The following PRR14L variants were observed in gnomAD, a reference collection of about 807,000 sequenced individuals.
PRR14L encodes the protein proline rich 14 like.
Under a neutral mutation model 155.0 loss-of-function variants are expected in PRR14L, and 80 were observed. The ratio of observed to expected loss-of-function variants is 0.52; its 90% CI spans 0.43 to 0.62. The LOEUF is 0.62. Ranked by LOEUF, PRR14L falls within the 20% of genes least tolerant of loss-of-function variation. The pLI is 0.00. For synonymous variants in PRR14L, 883 were observed against 916.0 expected (o/e 0.96, Z 0.65); for missense variants, 2,469 against 2,548.0 (o/e 0.97, Z 0.67).
intron 3 of PRR14L, among the ~76,000 whole-genome samples, chr22:31,723,573 C>A (rs971326354): frequency 6.6e-6 from 1 of 152,078 alleles, no homozygotes; most frequent in East Asian, 1.9e-4. Context: ...GGGTTAGGGG[C>A]CCACTAAACT....
chr22:31,714,853 C>A lies in PRR14L; in HGVS notation c.2986G>T (p.Asp996Tyr). 3 of 1,551,960 alleles carry A rather than the reference C, an allele frequency of 1.9e-6. No homozygotes were observed. Among genetic ancestry groups the A allele is most frequent in the South Asian group, 2.4e-5 (2 of 84,048 alleles). Residue 996 changes from aspartate (D) to tyrosine (Y), a missense_variant, in exon 4 of 9, where the codon GAC (aspartate) becomes TAC (tyrosine). Asp to Tyr is a radical substitution (Grantham distance 160). Around this residue, in one of 2 missense-constraint regions of PRR14L, gnomAD observed 2,363 missense variants for 2,371.6 expected, o/e 1.00. Coordinates refer to ENST00000327423, the MANE Select transcript of PRR14L (RefSeq NM_173566.3). ...GGCTCGGTGACAGTCTCTCTCTGGT[C>A]ACTACTTAGCATCTCCTTGGCTGAC... The part of the protein sequence containing the change: ...GQSAKEMLSS[D>Y]QRETVTEPHG...
chr22:31,711,326 C>T (rs2074620531), intron 4 of PRR14L, among the ~76,000 whole-genome samples: 1 of 151,932 alleles, frequency 6.6e-6, no homozygotes, highest in South Asian at 2.1e-4. Context: ...CAAAAATTAG[C>T]CAGGCATGGT....
At position 31,715,084 on chromosome 22, in the gene PRR14L, A is replaced by G. The variant is rs1481563249; in HGVS notation, c.2755T>C (p.Tyr919His). 6.4e-7 allele frequency: 1 copy of G among 1,551,674 alleles called. No homozygotes were observed. The highest frequency in any genetic ancestry group is 2.0e-5 in the Admixed American group (1 of 50,978). Residue 919 changes from tyrosine to histidine, a missense_variant, in exon 4 of 9, where the codon TAT becomes CAT. Tyr to His is a moderately conservative substitution (Grantham distance 83, BLOSUM62 2). Coordinates refer to ENST00000327423, the MANE Select transcript of PRR14L (RefSeq NM_173566.3). The part of the protein sequence containing the change: ...DVSKETVFCK[Y>H]NISDHAIQEL... Reference sequence around the variant, plus strand: ...TGTATAGCATGATCAGAGATGTTATACTTACAAAATACAGTTTCTTTGGAT... The same window carrying G: ...TGTATAGCATGATCAGAGATGTTATGCTTACAAAATACAGTTTCTTTGGAT...
At chr22:31,711,428 G>A (rs1327149425) in intron 4 of PRR14L, among the ~76,000 whole-genome samples, 19 of 151,636 alleles carry the variant, frequency 1.3e-4, no homozygotes, top group East Asian at 7.8e-4. Context: ...CCGAGATTGC[G>A]CCACTGCATT....
In PRR14L at chr22:31,713,931, C is replaced by A. The variant is rs2074638701; in HGVS notation, c.3908G>T (p.Cys1303Phe). 1 of 1,551,854 alleles carries A rather than the reference C, an allele frequency of 6.4e-7. No homozygotes were observed. The highest frequency in any genetic ancestry group is 8.7e-7 in the Non-Finnish European group (1 of 1,147,020). ...AGCTTTGCAAGCATTCTTTTCCACA[C>A]AGGTACATACGCTGTCTCTGTCACT... ...NSSDRDSVCT[C>F]VEKNACKACH... The change falls in exon 4 of 9, where the codon TGT becomes TTT. Residue 1303 changes from cysteine to phenylalanine, a missense_variant. By Grantham distance (205) the Cys-to-Phe change is radical. This residue lies in a region of PRR14L where 2,363 missense variants were observed against 2,371.6 expected (regional missense o/e 1.00). Coordinates refer to ENST00000327423, the MANE Select transcript of PRR14L (RefSeq NM_173566.3).
At position 31,738,815 on chromosome 22, in the gene PRR14L, A is replaced by T. The variant is rs1239646388; in HGVS notation, c.46T>A (p.Ser16Thr). 1.6e-5 allele frequency: 25 copies of T among 1,548,688 alleles called. No homozygotes were observed. Among genetic ancestry groups the T allele is most frequent in the Non-Finnish European group, 2.2e-5 (25 of 1,147,104 alleles). The change falls in exon 2 of 9, where the codon TCC becomes ACC. Residue 16 changes from serine to threonine, a missense_variant. Ser to Thr is a moderately conservative substitution (Grantham distance 58, BLOSUM62 1). Transcript: ENST00000327423. Reference sequence around the variant, plus strand: ...AATTCCTGTACCACGGCAGACATGGAGGAATCAAGTGGAACTGGCTGAGTC... The same window carrying T: ...AATTCCTGTACCACGGCAGACATGGTGGAATCAAGTGGAACTGGCTGAGTC... ...VETQPVPLDS[S>T]MSAVVQELYS...
intron 7 of PRR14L, among the ~76,000 whole-genome samples, 200 bp downstream of exon 7, chr22:31,701,456 G>A (rs1569497657): frequency 6.6e-6 from 1 of 152,124 alleles, no homozygotes; most frequent in Non-Finnish European, 1.5e-5. Context: ...CATTTGGAGG[G>A]TTTACTAAGA....
intron 7 of PRR14L, among the ~76,000 whole-genome samples, chr22:31,700,234 C>T (rs951561601): frequency 3.9e-5 from 6 of 152,138 alleles, no homozygotes. Context: ...AAAACTCTTT[C>T]CTCTCCCAAC....
rs1223260161 is a variant in PRR14L, at chr22:31,717,052, T to A, written c.787A>T (p.Thr263Ser). ...TCTTTTTCTTTAGGAGTTGCTTCTGTTAATACAGGGTCCACAAAGGTTAAA... is the reference window on the plus strand; with the variant it reads ...TCTTTTTCTTTAGGAGTTGCTTCTGATAATACAGGGTCCACAAAGGTTAAA... Reference protein sequence around the residue: ...EPLTFVDPVLTEATPKEKECE... With the variant: ...EPLTFVDPVLSEATPKEKECE... Residue 263 changes from threonine to serine, a missense_variant, in exon 4 of 9, where the codon ACA (threonine) becomes TCA (serine). Around this residue, in one of 2 missense-constraint regions of PRR14L, gnomAD observed 2,363 missense variants for 2,371.6 expected, o/e 1.00. Coordinates refer to ENST00000327423, the MANE Select transcript of PRR14L (RefSeq NM_173566.3). 1 of 1,551,928 alleles carries A rather than the reference T, an allele frequency of 6.4e-7. No homozygotes were observed. The highest frequency in any genetic ancestry group is 2.0e-5 in the Admixed American group (1 of 51,008).
rs149514473 is a variant in PRR14L at position 31,693,912 on chromosome 22, G to C, written c.6108-5685C>G. Among the ~76,000 whole-genome samples the C allele has an allele frequency of 5.1e-3, 777 of 152,246 alleles. 5 individuals carry two copies. Among genetic ancestry groups the C allele is most frequent in the Non-Finnish European group, 9.7e-3 (659 of 68,006 alleles). ...TCTGTACAGTTCTACTTTAAATGTAGTTGGTTATTTTTAAGTATATCTTGC... is the reference window on the plus strand; with the variant it reads ...TCTGTACAGTTCTACTTTAAATGTACTTGGTTATTTTTAAGTATATCTTGC... On this transcript the variant is annotated intron_variant, in intron 7 of 8. Transcript: ENST00000327423.
At chr22:31,735,506 G>A (rs922369426) in intron 2 of PRR14L, among the ~76,000 whole-genome samples, 1 of 151,622 alleles carries the variant, frequency 6.6e-6, no homozygotes, top group Non-Finnish European at 1.5e-5. Context: ...GTAAGCATGT[G>A]TATGTATATG....
chr22:31,725,106 A>C (rs1415492852), intron 3 of PRR14L, among the ~76,000 whole-genome samples: 1 of 152,164 alleles, frequency 6.6e-6, no homozygotes, highest in East Asian at 1.9e-4. Context: ...ACTCAAAAGA[A>C]AGGGACTTGC....
rs1232874007 is a variant in PRR14L, at chr22:31,715,694, G to A, written c.2145C>T (p.Asp715=). Residue 715 remains aspartate, a synonymous_variant, in exon 4 of 9, where the codon GAC becomes GAT. Transcript: ENST00000327423. ...AGGTTTGGTTACCTGGTGGAGAGAT[G>A]TCTTTTATTTTTGTCTGAATGGGAA... The part of the protein sequence containing the change: ...QTIPIQTKIK[D]ISPPGNQTCG... 6.4e-7 allele frequency: 1 copy of A among 1,552,254 alleles called. No homozygotes were observed. The highest frequency in any genetic ancestry group is 8.7e-7 in the Non-Finnish European group (1 of 1,147,082).
chr22:31,706,364 C>CAAAA (rs1192585065), intron 4 of PRR14L, among the ~76,000 whole-genome samples: 998 of 57,084 alleles, frequency 0.017, 31 homozygotes, highest in African/African-American at 0.062. Context: ...CTCTATCTCA[C>CAAAA]AAAAAAAAAA....
At chr22:31,727,095 G>A (rs1396224440) in intron 2 of PRR14L, among the ~76,000 whole-genome samples, 3 of 152,180 alleles carry the variant, frequency 2.0e-5, no homozygotes, top group African/African-American at 7.2e-5. Flanking sequence ...AGTGGATCCA[G>A]CCCCAGAGGG....
Position 31,713,399 on chromosome 22 carries a change from A to C in PRR14L, c.4440T>G (p.Thr1480=), listed in dbSNP as rs377324757. Residue 1480 remains threonine, a synonymous_variant, in exon 4 of 9, where the codon ACT becomes ACG. Transcript: ENST00000327423. ...ERLHHPLRKD[T]ESCTSPCLLG... ...GAAGGCAAGGACTTGTGCATGACTC[A>C]GTGTCCTTCCTTAATGGATGATGTA... is the stretch of plus-strand genomic sequence containing the variant. 7.7e-6 allele frequency: 12 copies of C among 1,551,928 alleles called. No homozygotes were observed. Among genetic ancestry groups the C allele is most frequent in the Non-Finnish European group, 9.6e-6 (11 of 1,147,052 alleles).
At position 31,716,065 on chromosome 22, in the gene PRR14L, G is replaced by C; in HGVS notation, c.1774C>G (p.Gln592Glu). 6.4e-7 allele frequency: 1 copy of C among 1,550,694 alleles called. No individual in the cohort carries two copies. Among genetic ancestry groups the C allele is most frequent in the Non-Finnish European group, 8.7e-7 (1 of 1,146,932 alleles). The change falls in exon 4 of 9, where the codon CAA becomes GAA. Residue 592 changes from glutamine to glutamate, a missense_variant. By Grantham distance (29) the Gln-to-Glu change is conservative. Around this residue, in one of 2 missense-constraint regions of PRR14L, gnomAD observed 2,363 missense variants for 2,371.6 expected, o/e 1.00. Coordinates refer to ENST00000327423, the MANE Select transcript of PRR14L (RefSeq NM_173566.3). ...SPVSEVLKPK[Q>E]GTALLLPSPE... Reference sequence around the variant, plus strand: ...GATGGTAGCAACAGAGCAGTACCTTGCTTGGGTTTTAATACCTCACTTACA... The same window carrying C: ...GATGGTAGCAACAGAGCAGTACCTTCCTTGGGTTTTAATACCTCACTTACA...
At position 31,704,733 on chromosome 22, in the gene PRR14L, TAAAGC is replaced by T; in HGVS notation, c.5757-12_5757-8del. On this transcript the variant is annotated splice_polypyrimidine_tract_variant and splice_region_variant and intron_variant, in intron 4 of 8. Coordinates refer to ENST00000327423, the MANE Select transcript of PRR14L (RefSeq NM_173566.3). ...ATATGGTAACATGGTGTGGCTAAAG[TAAAGC>T]AAAAGTACAAAAGCAATAGGTAAGG... 1 of 1,613,136 alleles carries T rather than the reference TAAAGC, an allele frequency of 6.2e-7. No individual in the cohort carries two copies. Among genetic ancestry groups the T allele is most frequent in the Non-Finnish European group, 8.5e-7 (1 of 1,179,214 alleles).
At chr22:31,749,785 G>A (rs994984939) in intron 1 of PRR14L, among the ~76,000 whole-genome samples, 11 of 152,244 alleles carry the variant, frequency 7.2e-5, no homozygotes, top group African/African-American at 2.7e-4. Flanking sequence ...ACTCGGAGAA[G>A]CCGCTTTTCT....
Sources: allele counts gnomAD v4.1 joint callset (sites outside exome capture counted in the v4.1 genomes callset), GRCh38; gene constraint gnomAD v4.1.1; regional missense constraint gnomAD v4.1.1; transcripts MANE v1.5; gene names NCBI Gene and HGNC (gene_info 2026-07-23, HGNC 2026-07-21).